Variants in FBXW5 observed in about 807,000 individuals in gnomAD.
FBXW5 encodes F-box and WD repeat domain containing 5.
FBXW5 carries 74 observed loss-of-function variants against 50.9 expected under a neutral mutation model. The ratio of observed to expected loss-of-function variants is 1.45; its 90% CI spans 1.20 to 1.76. The LOEUF is 1.76. FBXW5 is among the 40% of genes most tolerant of loss of function. FBXW5 has a pLI of 0.00. For synonymous variants in FBXW5, 523 were observed against 362.2 expected, an observed-to-expected ratio of 1.44 and a Z score of -5.04; for missense variants, 1,073 against 818.8, an observed-to-expected ratio of 1.31 and a Z score of -3.79.
chr9:136,940,472 T>C lies in FBXW5; in HGVS notation c.*456A>G. The C allele has an allele frequency of 4.5e-6, 1 of 222,876 alleles. No individual in the cohort carries two copies. The allele number at this position is 222,876 out of a possible 1,614,324, so 13.8% of individuals were successfully genotyped here. ...CTGTTTATTCAGGGCCCTGAACGGGTGGTGCGTGGACATGCAACACACTCG... is the reference window on the plus strand; with the variant it reads ...CTGTTTATTCAGGGCCCTGAACGGGCGGTGCGTGGACATGCAACACACTCG... On this transcript the variant is annotated 3_prime_UTR_variant, in exon 9 of 9. Coordinates refer to ENST00000325285, the MANE Select transcript of FBXW5 (RefSeq NM_018998.4).
At position 136,942,714 on chromosome 9, in the gene FBXW5, T is replaced by C; in HGVS notation, c.527-19A>G. On this transcript the variant is annotated intron_variant, in intron 4 of 8. Coordinates refer to ENST00000325285, the MANE Select transcript of FBXW5 (RefSeq NM_018998.4). ...AAGGAGTCTGTGGGGAGGCCGGGGC[T>C]GGACAGGCTGTCGGCGTGGGGCGGG... 2.5e-6 allele frequency: 4 copies of C among 1,609,950 alleles called. No individual in the cohort carries two copies. The highest frequency in any genetic ancestry group is 2.5e-6 in the Non-Finnish European group (3 of 1,178,858).
rs542485549 is a variant in FBXW5, at chr9:136,941,794, C to T, written c.1097-110G>A. The T allele has an allele frequency of 3.6e-5, 52 of 1,455,358 alleles. 1 individual carries two copies. The South Asian group carries it at 5.9e-4, about 17-fold the overall frequency. 90.2% of individuals were successfully genotyped at this position (1,455,358 alleles called of 1,614,324 possible). Reference sequence around the variant, plus strand: ...TGGGGCTGTGAGCACCACAGAGGTCCGTGGGCACTGCCTGCTCCGGGGGCC... The same window carrying T: ...TGGGGCTGTGAGCACCACAGAGGTCTGTGGGCACTGCCTGCTCCGGGGGCC... On this transcript the variant is annotated intron_variant, in intron 6 of 8. Transcript: ENST00000325285.
At position 136,942,453 on chromosome 9, in the gene FBXW5, T is replaced by C. The variant is rs771262850; in HGVS notation, c.689A>G (p.Glu230Gly). 1.9e-6 allele frequency: 3 copies of C among 1,599,746 alleles called. No individual in the cohort carries two copies. The highest frequency in any genetic ancestry group is 1.3e-5 in the African/African-American group (1 of 74,598). Residue 230 changes from glutamate to glycine, a missense_variant, in exon 6 of 9, where the codon GAG (glutamate) becomes GGG (glycine). Transcript: ENST00000325285. ...CAGCCGCTTCACCACGTTGACGTTC[T>C]CTGACTCCACATCCTGGGGGCGGGG... is the stretch of plus-strand genomic sequence containing the variant. ...LNNAFQDVES[E>G]NVNVVKRLFK...
chr9:136,943,253 C>G, intron 3 of FBXW5, 96 bp downstream of exon 3: 12 of 1,196,062 alleles, frequency 1.0e-5, no homozygotes, highest in South Asian at 2.7e-5. Flanking sequence ...GACCCACCCC[C>G]CCCCCCACCA....
intron 1 of FBXW5, 32 bp downstream of exon 1, chr9:136,944,562 G>A: frequency 1.0e-6 from 1 of 983,802 alleles, no homozygotes; most frequent in Non-Finnish European, 1.2e-6. Flanking sequence ...GGACGACAAG[G>A]CGGGACCCCC....
In FBXW5 at chr9:136,940,965, C is replaced by T. The variant is rs538792537; in HGVS notation, c.1664G>A (p.Arg555His). 3.6e-5 allele frequency: 56 copies of T among 1,567,460 alleles called. No individual in the cohort carries two copies. The highest frequency in any genetic ancestry group is 8.1e-5 in the African/African-American group (6 of 73,968). ...RVLQAPRPRPRTFFSWLASQR... is the reference protein window; with the variant it reads ...RVLQAPRPRPHTFFSWLASQR... ...GCTGGCAAGCCAGGAGAAGAAGGTG[C>T]GAGGCCGTGGGCGAGGTGCCTGGAG... The change falls in exon 9 of 9, where the codon CGC (arginine) becomes CAC (histidine). Residue 555 changes from arginine (R) to histidine (H), a missense_variant. Coordinates refer to ENST00000325285, the MANE Select transcript of FBXW5 (RefSeq NM_018998.4).
At chr9:136,941,920 C>G in intron 6 of FBXW5, 126 bp downstream of exon 6, 1 of 1,445,582 alleles carries the variant, frequency 6.9e-7, no homozygotes, top group Non-Finnish European at 9.1e-7. Context: ...GGCTTGTGAC[C>G]CCAGGGGCGA....
At position 136,942,279 on chromosome 9, in the gene FBXW5, T is replaced by A. The variant is rs111646697; in HGVS notation, c.863A>T (p.Glu288Val). The change falls in exon 6 of 9, where the codon GAG becomes GTG. Residue 288 changes from glutamate to valine, a missense_variant. Transcript: ENST00000325285. The part of the protein sequence containing the change: ...RIFDLGSDNE[E>V]VVAGPAPAHA... ...GGCGGGGGCCGGGCCAGCCACCACC[T>A]CCTCGTTGTCGCTGCCCAGGTCAAA... The A allele has an allele frequency of 7.3e-5, 115 of 1,584,270 alleles. No individual in the cohort carries two copies. Among genetic ancestry groups the A allele is most frequent in the East Asian group, 1.4e-4 (6 of 43,216 alleles).
At chr9:136,943,083 A>C in intron 3 of FBXW5, 140 bp from the exon 4 acceptor site, 1 of 1,351,188 alleles carries the variant, frequency 7.4e-7, no homozygotes, top group Non-Finnish European at 1.0e-6. Context: ...AGCCACTGTC[A>C]TCCACTCGGG....
rs375915640 is a variant in FBXW5, at chr9:136,941,563, G to A, written c.1218C>T (p.Ile406=). Residue 406 remains isoleucine, a synonymous_variant, in exon 7 of 9, where the codon ATC becomes ATT. Transcript: ENST00000325285. ...TGTTGTCGGGCGACAGGCCCATGCC[G>A]ATGATGTGTCCGTGTATGTCTATGA... ...DHVIDIHGHI[I]GMGLSPDNRY... is the part of the protein sequence containing the mutation. 4.3e-5 allele frequency: 70 copies of A among 1,609,724 alleles called. No homozygotes were observed. The highest frequency in any genetic ancestry group is 3.8e-4 in the African/African-American group (28 of 73,902).
At chr9:136,943,244 A>AGCCCC in intron 3 of FBXW5, 105 bp downstream of exon 3, 1 of 727,616 alleles carries the variant, frequency 1.4e-6, no homozygotes, top group Non-Finnish European at 2.1e-6. Flanking sequence ...CTCTGGCCTG[A>AGCCCC]CCCACCCCCC....
rs752309281 is a variant in FBXW5 at position 136,943,375 on chromosome 9, A to G, written c.325T>C (p.Ser109Pro). ...SFSHSGYQFA[S>P]CSKDCTVKIW... ...TTCACAGTGCAGTCCTTGGAGCAGG[A>G]CGCGAACTGGTACCCGGAATGGGAG... Residue 109 changes from serine to proline, a missense_variant, in exon 3 of 9, where the codon TCC (serine) becomes CCC (proline). Coordinates refer to ENST00000325285, the MANE Select transcript of FBXW5 (RefSeq NM_018998.4). 4.3e-6 allele frequency: 7 copies of G among 1,612,780 alleles called. No individual in the cohort carries two copies. The South Asian group carries it at 7.7e-5, about 18-fold the overall frequency.
At position 136,942,089 on chromosome 9, in the gene FBXW5, G is replaced by A. The variant is rs1296847262; in HGVS notation, c.1053C>T (p.Leu351=). The A allele has an allele frequency of 3.7e-6, 6 of 1,612,524 alleles. No individual in the cohort carries two copies. Among genetic ancestry groups the A allele is most frequent in the South Asian group, 2.2e-5 (2 of 90,932 alleles). Residue 351 remains leucine, a synonymous_variant, in exon 6 of 9, where the codon CTC becomes CTT. Coordinates refer to ENST00000325285, the MANE Select transcript of FBXW5 (RefSeq NM_018998.4). The stretch of plus-strand genomic sequence containing the variant: ...AGGTGAGGCAGCCAGTGGTGAAGAT[G>A]AGGTACTTGCTCTTGGCGCCTGTGG... The part of the protein sequence containing the change: ...RSATGAKSKY[L]IFTTGCLTYS...
chr9:136,941,768 CTG>C, intron 6 of FBXW5, 84 bp from the exon 7 acceptor site: 7 of 1,429,134 alleles, frequency 4.9e-6, no homozygotes, highest in East Asian at 2.5e-5. Context: ...AGTGGTGTCT[CTG>C]GGGCTGTGAG....
rs761443954 is a variant in FBXW5 at position 136,940,447 on chromosome 9, CTG to C, written c.*479_*480del. ...CTGGACAACAATGTGCTGTTGCCAA[CTG>C]TTTATTCAGGGCCCTGAACGGGTGG... On this transcript the variant is annotated 3_prime_UTR_variant, in exon 9 of 9. Transcript: ENST00000325285. 1 of 203,280 alleles carries C rather than the reference CTG, an allele frequency of 4.9e-6. No homozygotes were observed. Among genetic ancestry groups the C allele is most frequent in the African/African-American group, 2.3e-5 (1 of 43,682 alleles). The allele number at this position is 203,280 out of a possible 1,614,324, so 12.6% of individuals were successfully genotyped here.
chr9:136,944,289 C>T, intron 1 of FBXW5, 183 bp from the exon 2 acceptor site: 2 of 704,030 alleles, frequency 2.8e-6, no homozygotes, highest in East Asian at 3.5e-5. Context: ...GGGCCGGCCC[C>T]TCTCCGCCGC....
chr9:136,944,152 G>A lies in FBXW5; in HGVS notation c.-23-46C>T, dbSNP rs567942945. ...CCCTCAGCCCAGGCCCGGGAAGGGA[G>A]GCCGAGAGCGGGCGTCCTGTTCCTC... On this transcript the variant is annotated intron_variant, in intron 1 of 8. Transcript: ENST00000325285. 5.1e-5 allele frequency: 75 copies of A among 1,479,302 alleles called. 4 individuals carry two copies. The South Asian group carries it at 9.6e-4, about 19-fold the overall frequency. The allele number at this position is 1,479,302 out of a possible 1,614,324, so 91.6% of individuals were successfully genotyped here.
chr9:136,944,230 C>T, intron 1 of FBXW5, 124 bp from the exon 2 acceptor site: 8 of 1,130,756 alleles, frequency 7.1e-6, no homozygotes, highest in Non-Finnish European at 9.5e-6. Flanking sequence ...CTGCAGGGGA[C>T]GCCCGGGTAC....
intron 5 of FBXW5, 34 bp downstream of exon 5, chr9:136,942,513 A>G (rs2131356352): frequency 1.3e-6 from 2 of 1,599,806 alleles, no homozygotes; most frequent in African/African-American, 2.7e-5. Flanking sequence ...GCCAGGCCCC[A>G]GGAGGGCAGC....
Sources: allele counts gnomAD v4.1 joint callset, GRCh38; gene constraint gnomAD v4.1.1; transcripts MANE v1.5; gene names NCBI Gene and HGNC (gene_info 2026-07-23, HGNC 2026-07-21).